The following CHST7 variants were observed in gnomAD, a reference collection of about 807,000 sequenced individuals.
CHST7 encodes carbohydrate sulfotransferase 7, also known as N-acetylglucosamine 6-O-sulfotransferase 4.
CHST7 carries 5 observed loss-of-function variants against 9.0 expected under a neutral mutation model. That is an observed-to-expected ratio of 0.56 (90% CI 0.29 to 1.17). The LOEUF (loss-of-function observed/expected upper bound fraction) is 1.17, where lower values mean the gene tolerates loss of function less well. Ranked by LOEUF, CHST7 falls within the 50% of genes most tolerant of loss-of-function variation. The pLI, the probability that CHST7 is intolerant of heterozygous loss-of-function variation, is 0.08. For missense variants in CHST7, 377 were observed against 485.1 expected (o/e 0.78, Z 2.09); for synonymous variants, 244 against 237.1 (o/e 1.03, Z -0.27).
chrX:46,578,782 G>A (rs1272742483), intron 1 of CHST7, among the ~76,000 whole-genome samples: 2 of 110,595 alleles, frequency 1.8e-5, no homozygotes, highest in African/African-American at 6.6e-5. Flanking sequence ...GTCCCTTTAT[G>A]TCTCATTAGC....
chrX:46,577,395 A>G (rs1474783318), intron 1 of CHST7, among the ~76,000 whole-genome samples: 1 of 110,741 alleles, frequency 9.0e-6, no homozygotes, highest in Non-Finnish European at 1.9e-5. Flanking sequence ...CGCATTGGGC[A>G]CTTACCACCA....
At chrX:46,583,192 C>T (rs1032800349) in intron 1 of CHST7, among the ~76,000 whole-genome samples, 2 of 111,456 alleles carry the variant, frequency 1.8e-5, no homozygotes, top group African/African-American at 6.5e-5. Flanking sequence ...TAAATGAACC[C>T]CTCTCTTTGT....
At chrX:46,590,670 C>G (rs1301953721) in intron 1 of CHST7, among the ~76,000 whole-genome samples, 1 of 112,081 alleles carries the variant, frequency 8.9e-6, no homozygotes, top group African/African-American at 3.2e-5. Context: ...GATCTAACAA[C>G]AGACCTTATT....
In CHST7 at chrX:46,576,878, TAGTC is replaced by T. The variant is rs756110018; in HGVS notation, c.*31+1459_*31+1462del. Among the ~76,000 whole-genome samples, 6 of 112,339 alleles carry T rather than the reference TAGTC, an allele frequency of 5.3e-5. No individual in the cohort carries two copies. In the South Asian group the frequency reaches 2.2e-3, roughly 41 times the overall value. Reference sequence around the variant, plus strand: ...TCTCCCAGTAATCAAATGGTTTTCTTAGTCAGTTTCTGAAATTGCTAGGAAGTCT... The same window carrying T: ...TCTCCCAGTAATCAAATGGTTTTCTTAGTTTCTGAAATTGCTAGGAAGTCT... On this transcript the variant is annotated intron_variant, in intron 1 of 1. Coordinates refer to ENST00000276055, the MANE Select transcript of CHST7 (RefSeq NM_019886.4).
intron 1 of CHST7, among the ~76,000 whole-genome samples, chrX:46,581,267 T>C (rs1447480489): frequency 1.0e-5 from 1 of 99,439 alleles, no homozygotes; most frequent in Admixed American, 1.1e-4. Flanking sequence ...ATAATAATAA[T>C]TAAATAAGGG....
At chrX:46,586,358 C>T (rs1015505306) in intron 1 of CHST7, among the ~76,000 whole-genome samples, 2 of 112,277 alleles carry the variant, frequency 1.8e-5, no homozygotes, top group Admixed American at 1.9e-4. Context: ...ACCTGGGAAT[C>T]TTAAAGCTGA....
Position 46,575,347 on chromosome X carries a change from G to A in CHST7, c.1416G>A (p.Arg472=). The change falls in exon 1 of 2, where the codon AGG becomes AGA. Residue 472 remains arginine (R), a synonymous_variant. Transcript: ENST00000276055. ...AGGAGGGCGACGCGGAGCAGCCCAG[G>A]GAAGGGGAGACGCCGCTGGAGATGG... ...SGEEGDAEQP[R]EGETPLEMDA... 3 of 1,063,957 alleles carry A rather than the reference G, an allele frequency of 2.8e-6. No individual in the cohort carries two copies. Among genetic ancestry groups the A allele is most frequent in the Non-Finnish European group, 3.6e-6 (3 of 828,477 alleles). 87.7% of individuals were successfully genotyped at this position (1,063,957 alleles called of 1,213,427 possible). A position where few individuals can be genotyped will look rare whatever the true frequency, so the allele number is the denominator to read the frequency against.
chrX:46,592,350 G>A (rs1051388857), intron 1 of CHST7, among the ~76,000 whole-genome samples: 1 of 111,622 alleles, frequency 9.0e-6, no homozygotes, highest in African/African-American at 3.3e-5. Context: ...TTTGTTTTCT[G>A]TTTTTGTTTG....
intron 1 of CHST7, among the ~76,000 whole-genome samples, chrX:46,597,501 A>C (rs1197808137): frequency 8.9e-6 from 1 of 112,035 alleles, no homozygotes; most frequent in Non-Finnish European, 1.9e-5. Flanking sequence ...GCTCCACAAC[A>C]GCAGCTGCAG....
intron 1 of CHST7, among the ~76,000 whole-genome samples, chrX:46,583,460 C>T (rs955531231): frequency 1.8e-5 from 2 of 111,974 alleles, no homozygotes; most frequent in African/African-American, 6.5e-5. Context: ...CTTTGCTCCC[C>T]GGCCCGCTTG....
At chrX:46,580,875 C>T (rs1942521425) in intron 1 of CHST7, among the ~76,000 whole-genome samples, 2 of 111,931 alleles carry the variant, frequency 1.8e-5, no homozygotes, top group South Asian at 7.4e-4. Flanking sequence ...CTTAATTGAC[C>T]TTTGGCAAGT....
intron 1 of CHST7, among the ~76,000 whole-genome samples, chrX:46,586,634 A>G (rs1168456863): frequency 5.4e-5 from 6 of 112,127 alleles, no homozygotes; most frequent in African/African-American, 1.9e-4. Flanking sequence ...AACTTTACTC[A>G]CAAAAGCAAT....
intron 1 of CHST7, among the ~76,000 whole-genome samples, chrX:46,577,036 C>T (rs1449843952): frequency 9.1e-6 from 1 of 109,671 alleles, no homozygotes; most frequent in East Asian, 2.8e-4. Context: ...CCTAACCCTT[C>T]TTCACAGGCC....
At chrX:46,580,481 A>C (rs1042575274) in intron 1 of CHST7, among the ~76,000 whole-genome samples, 13 of 111,827 alleles carry the variant, frequency 1.2e-4, no homozygotes, top group African/African-American at 4.2e-4. Context: ...GGAAGTTAGG[A>C]TGGTGTGTGT....
rs141865575 is a variant in CHST7, at chrX:46,582,633, T to C, written c.*31+7210T>C. Among the ~76,000 whole-genome samples the C allele has an allele frequency of 4.6e-3, 519 of 112,062 alleles. 9 individuals carry two copies. The East Asian group carries it at 0.05, about 11-fold the overall frequency. Reference sequence around the variant, plus strand: ...AGAGAGTGTTATTTTTGTGATTATTTTGAAGAAATGGATACATTTTGGTAT... The same window carrying C: ...AGAGAGTGTTATTTTTGTGATTATTCTGAAGAAATGGATACATTTTGGTAT... On this transcript the variant is annotated intron_variant, in intron 1 of 1. Coordinates refer to ENST00000276055, the MANE Select transcript of CHST7 (RefSeq NM_019886.4).
chrX:46,594,226 G>A (rs544355104), intron 1 of CHST7, among the ~76,000 whole-genome samples: 1 of 111,929 alleles, frequency 8.9e-6, no homozygotes, highest in South Asian at 3.7e-4. Context: ...ATTATCATGG[G>A]ATATAGAAAT....
In CHST7 at chrX:46,579,410, A is replaced by T. The variant is rs982984403; in HGVS notation, c.*31+3987A>T. Among the ~76,000 whole-genome samples, 4 of 111,832 alleles carry T rather than the reference A, an allele frequency of 3.6e-5. No individual in the cohort carries two copies. In the Admixed American group the frequency reaches 3.8e-4, roughly 11 times the overall value. ...GATGTGCTATCCTGTCCTTTTCAGC[A>T]TGTCTCCCTTTAATGTCTGCCCTTG... On this transcript the variant is annotated intron_variant, in intron 1 of 1. Coordinates refer to ENST00000276055, the MANE Select transcript of CHST7 (RefSeq NM_019886.4).
intron 1 of CHST7, among the ~76,000 whole-genome samples, chrX:46,581,625 C>T (rs1215598597): frequency 4.6e-5 from 5 of 109,709 alleles, no homozygotes; most frequent in African/African-American, 6.6e-5. Flanking sequence ...GGCGGAGTTT[C>T]GCTCTTGTTG....
intron 1 of CHST7, among the ~76,000 whole-genome samples, chrX:46,589,537 G>A (rs753889988): frequency 5.6e-5 from 6 of 106,209 alleles, no homozygotes; most frequent in African/African-American, 2.1e-4. Flanking sequence ...GCGACAGAGA[G>A]AGACTCTGTC....
Sources: allele counts gnomAD v4.1 joint callset (sites outside exome capture counted in the v4.1 genomes callset), GRCh38; gene constraint gnomAD v4.1.1; transcripts MANE v1.5; gene names NCBI Gene and HGNC (gene_info 2026-07-23, HGNC 2026-07-21).